The following MAPT variants were observed in gnomAD, a reference collection of about 807,000 sequenced individuals.
MAPT encodes the protein microtubule associated protein tau.
In MAPT, 34 loss-of-function variants were observed where a neutral mutation model predicts 67.9. That is an observed-to-expected ratio of 0.50 (90% CI 0.38 to 0.67). MAPT has a LOEUF of 0.67. MAPT is among the 30% of genes least tolerant of loss of function. The pLI is 0.00. For missense variants in MAPT, 881 were observed against 1,115.2 expected (o/e 0.79, Z 2.99); for synonymous variants, 456 against 464.5 (o/e 0.98, Z 0.23).
intron 9 of MAPT, among the ~76,000 whole-genome samples, chr17:46,002,931 C>T (rs1197792734): frequency 1.3e-5 from 2 of 152,052 alleles, no homozygotes; most frequent in Admixed American, 6.5e-5. Context: ...CACAGGCTTG[C>T]ACCACAGTGC....
At chr17:45,909,298 C>T (rs1200071247) in intron 1 of MAPT, among the ~76,000 whole-genome samples, 5 of 152,192 alleles carry the variant, frequency 3.3e-5, no homozygotes, top group Non-Finnish European at 7.4e-5. Context: ...ACTACTAAGG[C>T]TCCTAAGACT....
intron 1 of MAPT, among the ~76,000 whole-genome samples, chr17:45,949,487 A>G (rs1487046076): frequency 6.6e-6 from 1 of 152,214 alleles, no homozygotes; most frequent in Non-Finnish European, 1.5e-5. Context: ...ATACAGTAGC[A>G]TAGAGATGGG....
In MAPT at chr17:45,906,360, C is replaced by T. The variant is rs564937956; in HGVS notation, c.-18+11674C>T. The stretch of plus-strand genomic sequence containing the variant: ...TATTCTAATTATGCCTAGGAGCAGC[C>T]TCTCCCCACCACTCACAGTGTTTAG... On this transcript the variant is annotated intron_variant, in intron 1 of 12. Coordinates refer to ENST00000262410, the MANE Select transcript of MAPT (RefSeq NM_001377265.1). The surrounding 1 kb of genome is among the most constrained non-coding windows in gnomAD (Gnocchi z 4.3). Among the ~76,000 whole-genome samples, 19 of 152,230 alleles carry T rather than the reference C, an allele frequency of 1.2e-4. No homozygotes were observed. In the East Asian group the frequency reaches 3.1e-3, roughly 25 times the overall value.
At chr17:45,919,835 C>T (rs2065527986) in intron 1 of MAPT, among the ~76,000 whole-genome samples, 1 of 152,222 alleles carries the variant, frequency 6.6e-6, no homozygotes, top group East Asian at 1.9e-4. Context: ...ATCGCTTGTG[C>T]CCAGGAGTTT....
At chr17:45,918,467 C>A (rs1243351440) in intron 1 of MAPT, among the ~76,000 whole-genome samples, 1 of 152,172 alleles carries the variant, frequency 6.6e-6, no homozygotes, top group Non-Finnish European at 1.5e-5. Context: ...GGTTCGGAAT[C>A]ATAGCACCTC....
intron 1 of MAPT, among the ~76,000 whole-genome samples, chr17:45,928,709 T>G (rs971539587): frequency 1.1e-4 from 17 of 152,124 alleles, no homozygotes; most frequent in Admixed American, 2.0e-4. Flanking sequence ...GTTTGTTTGT[T>G]TTTTGAGACA....
intron 1 of MAPT, among the ~76,000 whole-genome samples, chr17:45,926,844 T>G (rs996249286): frequency 2.0e-5 from 3 of 151,376 alleles, no homozygotes; most frequent in African/African-American, 7.4e-5. Flanking sequence ...AGTATCATGA[T>G]GTCTGCAGCA....
chr17:46,010,832 C>T lies in MAPT; in HGVS notation c.2091+430C>T, dbSNP rs1033175523. 1.3e-5 allele frequency among the ~76,000 whole-genome samples: 2 copies of T among 152,216 alleles called. No individual in the cohort carries two copies. Among genetic ancestry groups the T allele is most frequent in the East Asian group, 1.9e-4 (1 of 5,196 alleles). ...GAGACTGGGCTGCCGCCTCCTCCCCCGACACCTGGGCAGGTTGACGTTGAG... is the reference window on the plus strand; with the variant it reads ...GAGACTGGGCTGCCGCCTCCTCCCCTGACACCTGGGCAGGTTGACGTTGAG... On this transcript the variant is annotated intron_variant, in intron 10 of 12. Transcript: ENST00000262410. The surrounding 1 kb of genome is among the most constrained non-coding windows in gnomAD (Gnocchi z 4.7).
chr17:46,008,975 ATTGC>A (rs1172807251), intron 9 of MAPT, among the ~76,000 whole-genome samples: 6 of 152,208 alleles, frequency 3.9e-5, no homozygotes, highest in African/African-American at 1.2e-4. Context: ...AGGTGGGCTG[ATTGC>A]TTGAGCCCAG....
chr17:46,004,130 G>A (rs989675710), intron 9 of MAPT, among the ~76,000 whole-genome samples: 14 of 152,290 alleles, frequency 9.2e-5, no homozygotes, highest in African/African-American at 3.4e-4. Context: ...ACAGCACAGC[G>A]AGCACCAGGC....
At chr17:45,899,484 A>G (rs1218486045) in intron 1 of MAPT, among the ~76,000 whole-genome samples, 2 of 152,158 alleles carry the variant, frequency 1.3e-5, no homozygotes. Context: ...CGTGATGGGG[A>G]AACTGAAGCA....
chr17:45,965,160 G>A (rs1260775026), intron 2 of MAPT, among the ~76,000 whole-genome samples: 1 of 152,046 alleles, frequency 6.6e-6, no homozygotes. Context: ...AGCCGGGCGC[G>A]GTGGCTCACA....
intron 9 of MAPT, among the ~76,000 whole-genome samples, chr17:46,005,688 G>A (rs996071285): frequency 5.3e-5 from 8 of 152,176 alleles, no homozygotes; most frequent in Admixed American, 3.3e-4. Context: ...TTGTGCAGAG[G>A]GCGACAGTGA....
chr17:46,027,761 T>C lies in MAPT; in HGVS notation c.*3590T>C, dbSNP rs2076876832. The C allele has an allele frequency of 6.6e-6, 1 of 152,246 alleles. No individual in the cohort carries two copies. The highest frequency in any genetic ancestry group is 6.5e-5 in the Admixed American group (1 of 15,282). 9.4% of individuals were successfully genotyped at this position (152,246 alleles called of 1,614,324 possible). A position where few individuals can be genotyped will look rare whatever the true frequency, so the allele number is the denominator to read the frequency against. ...TTCCCTCCCCAGCCAGGTGCAGGCG[T>C]AGGAATATGGACATCTGGTTGCTTT... On this transcript the variant is annotated 3_prime_UTR_variant, in exon 13 of 13. Coordinates refer to ENST00000262410, the MANE Select transcript of MAPT (RefSeq NM_001377265.1).
At chr17:45,902,396 A>T (rs2063680625) in intron 1 of MAPT, among the ~76,000 whole-genome samples, 1 of 152,124 alleles carries the variant, frequency 6.6e-6, no homozygotes, top group Admixed American at 6.5e-5. Flanking sequence ...AGGATATGTG[A>T]TTATTATAGC....
chr17:46,008,237 G>C (rs753551962), intron 9 of MAPT, among the ~76,000 whole-genome samples: 1 of 152,046 alleles, frequency 6.6e-6, no homozygotes, highest in East Asian at 1.9e-4. Flanking sequence ...GCTGGGTTGC[G>C]CACCACCATG....
chr17:45,917,728 A>G (rs1193434744), intron 1 of MAPT, among the ~76,000 whole-genome samples: 1 of 151,462 alleles, frequency 6.6e-6, no homozygotes, highest in Non-Finnish European at 1.5e-5. Flanking sequence ...CCTTTGGTCC[A>G]TCCGTAAAGT....
intron 12 of MAPT, among the ~76,000 whole-genome samples, chr17:46,021,006 C>A (rs1397637063): frequency 6.6e-6 from 1 of 152,196 alleles, no homozygotes; most frequent in Non-Finnish European, 1.5e-5. Context: ...CTGAGAGACC[C>A]CTGCCCTGGC....
Position 45,996,383 on chromosome 17 carries a change from C to T in MAPT, c.1733-16C>T, listed in dbSNP as rs2074471698. On this transcript the variant is annotated splice_polypyrimidine_tract_variant and intron_variant, in intron 8 of 12. Coordinates refer to ENST00000262410, the MANE Select transcript of MAPT (RefSeq NM_001377265.1). This position sits in a 1 kb window ranked among gnomAD's most constrained non-coding sequence, Gnocchi z 4.5. ...CCCACTCGAGTCCTGGCTTCACTCC[C>T]TTCCTTCCTTCCCAGGTGAACCTCC... 1.2e-6 allele frequency: 2 copies of T among 1,609,310 alleles called. No individual in the cohort carries two copies. Among genetic ancestry groups the T allele is most frequent in the East Asian group, 2.2e-5 (1 of 44,862 alleles).
Sources: allele counts gnomAD v4.1 joint callset (sites outside exome capture counted in the v4.1 genomes callset), GRCh38; gene constraint gnomAD v4.1.1; non-coding constraint Gnocchi (gnomAD v3.1); transcripts MANE v1.5; gene names NCBI Gene and HGNC (gene_info 2026-07-23, HGNC 2026-07-21).